The following MID1 variants were observed in gnomAD, a reference collection of about 807,000 sequenced individuals.
The protein encoded by MID1 is E3 ubiquitin-protein ligase Midline-1.
In MID1, 7 loss-of-function variants were observed where a neutral mutation model predicts 40.4. That is an observed-to-expected ratio of 0.17 (90% confidence interval 0.10 to 0.33). The LOEUF is 0.33. Among genes scored for constraint, MID1 ranks in the 10% least tolerant of loss-of-function variants. The pLI is 1.00. For missense variants in MID1, 367 were observed against 558.5 expected (o/e 0.66, Z 3.46); for synonymous variants, 229 against 221.2 (o/e 1.04, Z -0.31).
intron 3 of MID1, among the ~76,000 whole-genome samples, chrX:10,516,597 TGTGTGTGTGTGTGCGC>T (rs752903380): frequency 0.11 from 9,979 of 88,183 alleles, 473 homozygotes; most frequent in South Asian, 0.29. Context: ...TGTGTGTGTG[TGTGTGTGTGTGTGCGC>T]GCGCGCACGC....
intron 1 of MID1, among the ~76,000 whole-genome samples, chrX:10,790,452 G>C (rs1380878110): frequency 2.7e-5 from 3 of 110,563 alleles, no homozygotes; most frequent in Non-Finnish European, 5.7e-5. Context: ...CACCCTTGCT[G>C]CTTGGCTCTA....
intron 4 of MID1, 80 bp downstream of exon 4, chrX:10,495,504 A>G: frequency 1.3e-6 from 1 of 772,309 alleles, no homozygotes; most frequent in Non-Finnish European, 2.0e-6. Flanking sequence ...GGTTCTCAAC[A>G]TTTCCAAAGT....
At chrX:10,513,141 C>T (rs145140297) in intron 3 of MID1, among the ~76,000 whole-genome samples, 1 of 111,707 alleles carries the variant, frequency 9.0e-6, no homozygotes, top group Admixed American at 9.5e-5. Context: ...AGAAGTCAAC[C>T]GAATCAGGTA....
intron 1 of MID1, among the ~76,000 whole-genome samples, chrX:10,712,262 C>T (rs1176710181): frequency 9.0e-6 from 1 of 110,753 alleles, no homozygotes; most frequent in Non-Finnish European, 1.9e-5. Flanking sequence ...GAAAGGGAGC[C>T]TCCCAATAGA....
chrX:10,505,974 A>G (rs1242309238), intron 3 of MID1: 2 of 754,897 alleles, frequency 2.6e-6, no homozygotes, highest in African/African-American at 2.3e-5. Flanking sequence ...TATTCCGTAC[A>G]GTGAGTGAAA....
chrX:10,482,420 A>G, intron 5 of MID1, 60 bp downstream of exon 5: 2 of 1,150,232 alleles, frequency 1.7e-6, no homozygotes, highest in Non-Finnish European at 2.4e-6. Context: ...AGACCAACCA[A>G]TCACAGCGCA....
intron 1 of MID1, among the ~76,000 whole-genome samples, chrX:10,569,918 T>A (rs772739144): frequency 2.1e-4 from 23 of 112,139 alleles, no homozygotes; most frequent in African/African-American, 7.1e-4. Flanking sequence ...TCATCTCTTA[T>A]GTGGACTATC....
intron 1 of MID1, among the ~76,000 whole-genome samples, chrX:10,646,092 C>A (rs1936258733): frequency 8.9e-6 from 1 of 111,955 alleles, no homozygotes; most frequent in Non-Finnish European, 1.9e-5. Context: ...AACCACACTG[C>A]CACTCCCTGA....
chrX:10,704,716 GTATA>G (rs771605675), intron 1 of MID1, among the ~76,000 whole-genome samples: 38 of 78,076 alleles, frequency 4.9e-4, no homozygotes, highest in East Asian at 8.3e-4. Context: ...GTGTGTGTGT[GTATA>G]TATATATATA....
At chrX:10,505,547 T>C in intron 3 of MID1, 1 of 753,710 alleles carries the variant, frequency 1.3e-6, no homozygotes, top group Non-Finnish European at 1.6e-6. Context: ...CCATGGGTGT[T>C]TGTCTCTATC....
At chrX:10,539,586 A>G (rs1037771635) in intron 2 of MID1, among the ~76,000 whole-genome samples, 3 of 112,624 alleles carry the variant, frequency 2.7e-5, no homozygotes, top group Admixed American at 9.4e-5. Flanking sequence ...CAAACAAAAA[A>G]AGAAACTGAG....
intron 1 of MID1, among the ~76,000 whole-genome samples, chrX:10,636,759 A>T (rs1418638128): frequency 1.1e-5 from 1 of 87,284 alleles, no homozygotes; most frequent in Non-Finnish European, 2.2e-5. Flanking sequence ...TTTGATGCTG[A>T]CAAACTGGGC....
Position 10,459,790 on chromosome X carries a change from C to T in MID1, c.1303G>A (p.Asp435Asn). The T allele has an allele frequency of 8.3e-7, 1 of 1,209,906 alleles. No homozygotes were observed. The highest frequency in any genetic ancestry group is 1.1e-6 in the Non-Finnish European group (1 of 895,196). Residue 435 changes from aspartate (D) to asparagine (N), a missense_variant, in exon 8 of 10, where the codon GAT becomes AAT. This residue lies in a region of MID1 where 275 missense variants were observed against 383.1 expected (regional missense o/e 0.72). Coordinates refer to ENST00000317552, the MANE Select transcript of MID1 (RefSeq NM_000381.4). ...ATGTTGGGTACTATCATCCAGCTAT[C>T]AGCCGAATTACACAGACCTGCAAAG... is the stretch of plus-strand genomic sequence containing the variant. ...ANVVSLCNSADSWMIVPNIKQ... is the reference protein window; with the variant it reads ...ANVVSLCNSANSWMIVPNIKQ...
rs1412923879 is a variant in MID1 at position 10,830,624 on chromosome X, C to A, written c.-187+2930G>T. ...GAATTTAACAAATAACCTTTAAAGCCAGGTTCTTTTATGTCCATCGCCCCT... is the reference window on the plus strand; with the variant it reads ...GAATTTAACAAATAACCTTTAAAGCAAGGTTCTTTTATGTCCATCGCCCCT... On this transcript the variant is annotated intron_variant, in intron 1 of 10. Coordinates refer to the MID1 transcript ENST00000380785. 8.9e-5 allele frequency among the ~76,000 whole-genome samples: 10 copies of A among 112,331 alleles called. No individual in the cohort carries two copies. The Admixed American group carries it at 9.4e-4, about 11-fold the overall frequency.
At chrX:10,565,827 T>TGA (rs1217572625) in intron 2 of MID1, among the ~76,000 whole-genome samples, 1 of 106,484 alleles carries the variant, frequency 9.4e-6, no homozygotes, top group African/African-American at 3.5e-5. Context: ...TTTTTTTTTT[T>TGA]GAGAGAGAGT....
intron 1 of MID1, among the ~76,000 whole-genome samples, chrX:10,760,840 A>T (rs754203293): frequency 9.0e-6 from 1 of 111,604 alleles, no homozygotes; most frequent in South Asian, 3.8e-4. Context: ...AAACAAAACA[A>T]AACAAAGACA....
At position 10,661,074 on chromosome X, in the gene MID1, T is replaced by G. The variant is rs1029635441; in HGVS notation, c.-186-40655A>C. 2.7e-5 allele frequency among the ~76,000 whole-genome samples: 3 copies of G among 111,687 alleles called. No individual in the cohort carries two copies. In the Admixed American group the frequency reaches 2.9e-4, roughly 11 times the overall value. On this transcript the variant is annotated intron_variant, in intron 1 of 10. Coordinates refer to the MID1 transcript ENST00000380785. The stretch of plus-strand genomic sequence containing the variant: ...CAAAGAATCAAATTATACCCTTTAA[T>G]AATAAAAGCTTGATCCAACTGTGAC...
chrX:10,630,389 G>A (rs6640670), intron 1 of MID1, among the ~76,000 whole-genome samples: 2,023 of 111,060 alleles, frequency 0.018, 42 homozygotes, highest in African/African-American at 0.059. Context: ...AGAGTTACCC[G>A]GGCAGAGGAA....
At chrX:10,560,544 T>C (rs1934294369) in intron 2 of MID1, among the ~76,000 whole-genome samples, 1 of 111,180 alleles carries the variant, frequency 9.0e-6, no homozygotes, top group African/African-American at 3.3e-5. Flanking sequence ...AAAATCAATG[T>C]ACAAAAATCA....
Sources: gnomAD v4.1 joint callset for allele counts (sites outside exome capture counted in the v4.1 genomes callset) on GRCh38, gnomAD v4.1.1 for gene constraint, gnomAD v4.1.1 regional missense constraint, MANE v1.5 for transcripts, NCBI Gene and HGNC (gene_info 2026-07-23, HGNC 2026-07-21) for gene names.